HECTD2: variants seen among roughly 807,000 people sequenced by gnomAD.
HECTD2 encodes probable E3 ubiquitin-protein ligase HECTD2.
Under a neutral mutation model 103.2 loss-of-function variants are expected in HECTD2, and 35 were observed. The observed-to-expected ratio is 0.34, with a 90% confidence interval of 0.26 to 0.45. HECTD2 has a LOEUF of 0.45. HECTD2 is among the 20% of genes least tolerant of loss of function. HECTD2 has a pLI of 1.00. For synonymous variants in HECTD2, 281 were observed against 329.9 expected, an observed-to-expected ratio of 0.85 and a Z score of 1.61; for missense variants, 596 against 937.4, an observed-to-expected ratio of 0.64 and a Z score of 4.76.
chr10:91,432,509 A>T (rs1214548813), intron 2 of HECTD2, among the ~76,000 whole-genome samples: 1 of 151,946 alleles, frequency 6.6e-6, no homozygotes. Flanking sequence ...AACAACCTGG[A>T]TGATAAATGA....
chr10:91,481,737 A>G (rs1846092748), intron 7 of HECTD2, among the ~76,000 whole-genome samples: 1 of 151,848 alleles, frequency 6.6e-6, no homozygotes, highest in Non-Finnish European at 1.5e-5. Context: ...TGAGGAAGAA[A>G]TACATTATTA....
At chr10:91,460,621 ATAATT>A (rs1845307286) in intron 3 of HECTD2, 56 bp downstream of exon 3, 1 of 1,476,052 alleles carries the variant, frequency 6.8e-7, no homozygotes, top group Non-Finnish European at 9.1e-7. Flanking sequence ...AGCACTTTAC[ATAATT>A]TAATATCTTT....
chr10:91,445,262 C>T (rs1326399819), intron 2 of HECTD2, among the ~76,000 whole-genome samples: 3 of 151,988 alleles, frequency 2.0e-5, no homozygotes, highest in Admixed American at 6.6e-5. Flanking sequence ...ATGGCAACAG[C>T]AGTATTGGAG....
Position 91,469,970 on chromosome 10 carries a change from G to T in HECTD2, c.600+7786G>T, listed in dbSNP as rs151235089. 3.4e-3 allele frequency among the ~76,000 whole-genome samples: 512 copies of T among 152,220 alleles called. 1 individual carries two copies. The highest frequency in any genetic ancestry group is 0.01 in the African/African-American group (432 of 41,544). On this transcript the variant is annotated intron_variant, in intron 5 of 20. Transcript: ENST00000298068. The stretch of plus-strand genomic sequence containing the variant: ...TTTTAAACCAACAACAATCAAAAAA[G>T]ACAAGAGCATTACATAATGGTATAG...
At chr10:91,503,280 T>C (rs1036337769) in intron 20 of HECTD2, among the ~76,000 whole-genome samples, 1 of 152,172 alleles carries the variant, frequency 6.6e-6, no homozygotes, top group African/African-American at 2.4e-5. Flanking sequence ...GGAGCCAAGA[T>C]GGCCGAATAG....
intron 1 of HECTD2, among the ~76,000 whole-genome samples, chr10:91,420,033 A>G (rs1360633923): frequency 6.6e-6 from 1 of 152,176 alleles, no homozygotes; most frequent in East Asian, 1.9e-4. Flanking sequence ...TCATTTTGCC[A>G]TTGCACAAAA....
At chr10:91,469,451 A>G (rs892112153) in intron 5 of HECTD2, among the ~76,000 whole-genome samples, 4 of 152,246 alleles carry the variant, frequency 2.6e-5, no homozygotes, top group South Asian at 4.1e-4. Context: ...GCCTATATTC[A>G]GCATTCTTAA....
At position 91,462,199 on chromosome 10, in the gene HECTD2, A is replaced by C; in HGVS notation, c.600+15A>C. On this transcript the variant is annotated intron_variant, in intron 5 of 20. Transcript: ENST00000298068. ...TACTTAATACTGTAAGTATTATGAC[A>C]TGCAAGTAATATTATTCTGTGTCTC... 6.4e-7 allele frequency: 1 copy of C among 1,569,060 alleles called. No homozygotes were observed. The highest frequency in any genetic ancestry group is 8.7e-7 in the Non-Finnish European group (1 of 1,152,222).
Position 91,425,382 on chromosome 10 carries a change from A to C in HECTD2, c.240A>C (p.Ala80=). ...KEAAENRSSP[A]HLVFPNIKNV... ...CTGCTGAAAACAGAAGTTCACCTGCACATCTTGTTTTCCCTAACATCAAGA... is the reference window on the plus strand; with the variant it reads ...CTGCTGAAAACAGAAGTTCACCTGCCCATCTTGTTTTCCCTAACATCAAGA... Residue 80 remains alanine, a synonymous_variant, in exon 2 of 21, where the codon GCA becomes GCC. Transcript: ENST00000298068. 6.4e-7 allele frequency: 1 copy of C among 1,572,040 alleles called. No individual in the cohort carries two copies. Among genetic ancestry groups the C allele is most frequent in the Non-Finnish European group, 8.7e-7 (1 of 1,155,080 alleles).
intron 5 of HECTD2, among the ~76,000 whole-genome samples, chr10:91,465,686 T>C (rs1845507294): frequency 6.6e-6 from 1 of 152,192 alleles, no homozygotes; most frequent in Admixed American, 6.5e-5. Context: ...TCTATTGCTA[T>C]GATCCCATGA....
chr10:91,449,767 C>A, intron 2 of HECTD2, among the ~76,000 whole-genome samples: 1 of 152,068 alleles, frequency 6.6e-6, no homozygotes, highest in Non-Finnish European at 1.5e-5. Flanking sequence ...ATGAGTGACC[C>A]CCATTCACAA....
intron 2 of HECTD2, among the ~76,000 whole-genome samples, chr10:91,460,032 G>A (rs1845276415): frequency 6.6e-6 from 1 of 152,082 alleles, no homozygotes; most frequent in Non-Finnish European, 1.5e-5. Flanking sequence ...CCATCATTAA[G>A]CAATGTGTGA....
At chr10:91,438,706 C>T (rs956766148) in intron 2 of HECTD2, among the ~76,000 whole-genome samples, 1 of 152,106 alleles carries the variant, frequency 6.6e-6, no homozygotes, top group South Asian at 2.1e-4. Context: ...AGTGTAAAAG[C>T]GTTCCTGTTT....
chr10:91,419,199 A>G (rs1038919819), intron 1 of HECTD2, among the ~76,000 whole-genome samples: 3 of 152,172 alleles, frequency 2.0e-5, no homozygotes. Flanking sequence ...AGAATTTTGA[A>G]TATAGTACCA....
intron 14 of HECTD2, among the ~76,000 whole-genome samples, chr10:91,495,909 C>A (rs1846647138): frequency 6.6e-6 from 1 of 152,112 alleles, no homozygotes; most frequent in African/African-American, 2.4e-5. Flanking sequence ...AAAATGTTTT[C>A]TGTAAAATAA....
intron 1 of HECTD2, among the ~76,000 whole-genome samples, chr10:91,416,419 C>G (rs921991186): frequency 6.6e-6 from 1 of 152,150 alleles, no homozygotes; most frequent in African/African-American, 2.4e-5. Flanking sequence ...AGTCTAATGC[C>G]TTTTCTGTTT....
intron 2 of HECTD2, among the ~76,000 whole-genome samples, chr10:91,431,688 T>C (rs7906306): frequency 0.2 from 30,429 of 152,018 alleles, 7,235 homozygotes; most frequent in African/African-American, 0.58. Flanking sequence ...CTGAGGCTTC[T>C]GCATTCTTCA....
At chr10:91,467,527 C>T (rs1309437882) in intron 5 of HECTD2, among the ~76,000 whole-genome samples, 4 of 152,056 alleles carry the variant, frequency 2.6e-5, no homozygotes, top group African/African-American at 7.2e-5. Context: ...TGCAGTGCAC[C>T]CTCGATGCCC....
intron 5 of HECTD2, among the ~76,000 whole-genome samples, chr10:91,477,517 G>T (rs1268870394): frequency 6.6e-6 from 1 of 152,162 alleles, no homozygotes; most frequent in Non-Finnish European, 1.5e-5. Context: ...CGGGGTTACT[G>T]TAAGCAGAGG....
Sources: allele counts gnomAD v4.1 joint callset (sites outside exome capture counted in the v4.1 genomes callset), GRCh38; gene constraint gnomAD v4.1.1; transcripts MANE v1.5; gene names NCBI Gene and HGNC (gene_info 2026-07-23, HGNC 2026-07-21).